KAZN: variants seen among roughly 807,000 people sequenced by gnomAD.
KAZN encodes the protein kazrin, periplakin interacting protein, also known as kazrin.
Under a neutral mutation model 87.4 loss-of-function variants are expected in KAZN, and 40 were observed. The ratio of observed to expected loss-of-function variants is 0.46; its 90% CI spans 0.36 to 0.60. The LOEUF is 0.60. Ranked by LOEUF, KAZN falls within the 20% of genes least tolerant of loss-of-function variation. The pLI is 0.00. For missense variants in KAZN, 898 were observed against 1,073.9 expected (o/e 0.84, Z 2.29); for synonymous variants, 466 against 458.3 (o/e 1.02, Z -0.22).
At chr1:15,013,765 A>AAAAG (rs1669821453) in intron 2 of KAZN, among the ~76,000 whole-genome samples, 1 of 150,394 alleles carries the variant, frequency 6.6e-6, no homozygotes. Context: ...AAAAAAAAAA[A>AAAAG]AGAGAGAGAT....
intron 1 of KAZN, among the ~76,000 whole-genome samples, chr1:14,649,992 C>G (rs916763288): frequency 3.3e-5 from 5 of 149,966 alleles, no homozygotes; most frequent in African/African-American, 4.9e-5. Context: ...CTTAACTGTC[C>G]TGTGACAGTG....
At chr1:14,086,865 C>T (rs768808737) in intron 1 of KAZN, among the ~76,000 whole-genome samples, 9 of 152,118 alleles carry the variant, frequency 5.9e-5, no homozygotes, top group Non-Finnish European at 8.8e-5. Context: ...ACCATGTATG[C>T]GTGGGTCAAT....
At chr1:14,840,941 G>C (rs1250910893) in intron 1 of KAZN, among the ~76,000 whole-genome samples, 2 of 152,214 alleles carry the variant, frequency 1.3e-5, no homozygotes, top group Non-Finnish European at 2.9e-5. Context: ...TGAAGAAAGA[G>C]AGAGAGATAA....
intron 1 of KAZN, among the ~76,000 whole-genome samples, chr1:14,005,157 TA>T (rs1473078129): frequency 6.6e-6 from 1 of 152,152 alleles, no homozygotes; most frequent in African/African-American, 2.4e-5. Flanking sequence ...AATATTACTT[TA>T]AAAAGGAAAA....
intron 1 of KAZN, chr1:14,929,873 G>T: frequency 1.0e-6 from 1 of 985,492 alleles, no homozygotes; most frequent in South Asian, 4.7e-5. Flanking sequence ...CTTCTATGAA[G>T]GTGGGGACTC....
chr1:14,636,052 C>T (rs983656444), intron 1 of KAZN, among the ~76,000 whole-genome samples: 5 of 152,202 alleles, frequency 3.3e-5, no homozygotes, highest in Non-Finnish European at 7.3e-5. Flanking sequence ...TCAACACCAA[C>T]CTCAATGAAA....
intron 2 of KAZN, among the ~76,000 whole-genome samples, chr1:14,378,560 G>A (rs1191364777): frequency 2.0e-5 from 3 of 152,228 alleles, no homozygotes; most frequent in Non-Finnish European, 4.4e-5. Flanking sequence ...GGCATGAAGA[G>A]AGAATCTGAG....
intron 2 of KAZN, among the ~76,000 whole-genome samples, chr1:14,578,604 T>C (rs1675340756): frequency 6.6e-6 from 1 of 152,130 alleles, no homozygotes; most frequent in Non-Finnish European, 1.5e-5. Context: ...TTTAAATGAA[T>C]CAAGTCTTGG....
At chr1:14,625,303 C>T (rs541328374) in intron 1 of KAZN, among the ~76,000 whole-genome samples, 10 of 152,198 alleles carry the variant, frequency 6.6e-5, no homozygotes, top group African/African-American at 2.4e-4. Context: ...TAGGAGCCTC[C>T]ACAGTATACT....
chr1:14,888,198 G>A (rs2803402), intron 1 of KAZN, among the ~76,000 whole-genome samples: 148,547 of 152,288 alleles, frequency 0.98, 72,550 homozygotes, highest in East Asian at 1. Flanking sequence ...GGTGCTTTCA[G>A]AGGCTCCCAG....
Position 15,114,698 on chromosome 1 carries a change from C to A in KAZN, c.*63C>A, listed in dbSNP as rs749531378. The stretch of plus-strand genomic sequence containing the variant: ...CAGGAAGGAAGAGAAGCCAGATGGC[C>A]CCAGGTGTCGTTCTCACTGTACATA... On this transcript the variant is annotated 3_prime_UTR_variant, in exon 15 of 15. Transcript: ENST00000376030. 12 of 1,503,510 alleles carry A rather than the reference C, an allele frequency of 8.0e-6. No individual in the cohort carries two copies. The highest frequency in any genetic ancestry group is 4.2e-5 in the Admixed American group (2 of 47,386). The allele number at this position is 1,503,510 out of a possible 1,614,324, so 93.1% of individuals were successfully genotyped here.
chr1:15,000,050 G>A (rs1573023426), intron 2 of KAZN, among the ~76,000 whole-genome samples: 1 of 152,314 alleles, frequency 6.6e-6, no homozygotes, highest in Non-Finnish European at 1.5e-5. Context: ...GGAGGATCTT[G>A]AGATGGGAAG....
intron 1 of KAZN, among the ~76,000 whole-genome samples, chr1:14,823,704 T>C (rs1052417631): frequency 2.6e-5 from 4 of 151,972 alleles, no homozygotes; most frequent in African/African-American, 9.7e-5. Context: ...GATCGTATAG[T>C]GTGTGGAAGC....
intron 2 of KAZN, among the ~76,000 whole-genome samples, chr1:14,271,333 G>A (rs1389555908): frequency 6.6e-6 from 1 of 152,218 alleles, no homozygotes; most frequent in African/African-American, 2.4e-5. Context: ...GTAAGGGGAG[G>A]AACCCTCAGC....
chr1:14,026,099 G>A (rs1489179226), intron 1 of KAZN, among the ~76,000 whole-genome samples: 4 of 152,080 alleles, frequency 2.6e-5, no homozygotes, highest in Non-Finnish European at 5.9e-5. Context: ...AAGGAAAAGG[G>A]CATTTTAAAG....
intron 1 of KAZN, among the ~76,000 whole-genome samples, chr1:14,801,593 T>C (rs1445472232): frequency 6.6e-6 from 1 of 152,196 alleles, no homozygotes; most frequent in African/African-American, 2.4e-5. Flanking sequence ...TCAGGAGGGC[T>C]ATGACGGCCT....
chr1:14,380,180 A>C (rs1342224189), intron 2 of KAZN, among the ~76,000 whole-genome samples: 1 of 152,216 alleles, frequency 6.6e-6, no homozygotes, highest in Non-Finnish European at 1.5e-5. Flanking sequence ...GGTGCCCCCT[A>C]ATGCAGATAT....
intron 1 of KAZN, among the ~76,000 whole-genome samples, chr1:14,688,356 T>C (rs1413219062): frequency 1.3e-5 from 2 of 152,246 alleles, no homozygotes; most frequent in East Asian, 3.8e-4. Context: ...TTCCAGAGGC[T>C]GCATCGATTG....
intron 1 of KAZN, among the ~76,000 whole-genome samples, chr1:14,014,700 A>C (rs976866059): frequency 6.6e-6 from 1 of 152,224 alleles, no homozygotes; most frequent in Non-Finnish European, 1.5e-5. Flanking sequence ...GTCCAGCATA[A>C]ATGTTGGAAG....
Sources: allele counts gnomAD v4.1 joint callset (sites outside exome capture counted in the v4.1 genomes callset), GRCh38; gene constraint gnomAD v4.1.1; transcripts MANE v1.5; gene names NCBI Gene and HGNC (gene_info 2026-07-23, HGNC 2026-07-21).